Variants in TUBA4A observed in about 807,000 individuals in gnomAD.
TUBA4A encodes tubulin alpha-4A chain.
In TUBA4A, 23 loss-of-function variants were observed where a neutral mutation model predicts 34.3. That is an observed-to-expected ratio of 0.67 (90% confidence interval 0.48 to 0.95). TUBA4A has a LOEUF of 0.95. Among genes scored for constraint, TUBA4A ranks in the 40% least tolerant of loss-of-function variants. The pLI is 0.00. For missense variants in TUBA4A, 279 were observed against 599.0 expected, an observed-to-expected ratio of 0.47 and a Z score of 5.58; for synonymous variants, 216 against 230.5, an observed-to-expected ratio of 0.94 and a Z score of 0.57.
At chr2:219,253,500 G>A in intron 1 of TUBA4A, 1 of 1,185,076 alleles carries the variant, frequency 8.4e-7, no homozygotes, top group Non-Finnish European at 1.2e-6. Context: ...ATGTAAGAGG[G>A]CAGCCAAACC....
chr2:219,253,120 C>T (rs1011005012), intron 1 of TUBA4A: 2 of 1,491,958 alleles, frequency 1.3e-6, no homozygotes, highest in African/African-American at 2.8e-5. Context: ...ACAGTTATTT[C>T]CCAGCCCAAA....
Position 219,250,823 on chromosome 2 carries a change from G to A in TUBA4A, c.876C>T (p.Thr292=), listed in dbSNP as rs1164337721. 1 of 1,614,218 alleles carries A rather than the reference G, an allele frequency of 6.2e-7. No homozygotes were observed. Among genetic ancestry groups the A allele is most frequent in the Non-Finnish European group, 8.5e-7 (1 of 1,180,048 alleles). ...GGTTGGCAGGCTCAAAGCAGGCATT[G>A]GTGATCTCTGCCACCGACAGCTGCT... ...YHEQLSVAEI[T]NACFEPANQM... is the part of the protein sequence containing the mutation. Residue 292 remains threonine, a synonymous_variant, in exon 4 of 4, where the codon ACC becomes ACT. Coordinates refer to ENST00000248437, the MANE Select transcript of TUBA4A (RefSeq NM_006000.3). The surrounding 1 kb of genome is among the most constrained non-coding windows in gnomAD (Gnocchi z 8.4).
chr2:219,253,929 G>C, upstream of TUBA4A: 2 of 1,271,782 alleles, frequency 1.6e-6, no homozygotes, highest in South Asian at 2.4e-5. Flanking sequence ...GCTAGCTGCA[G>C]TGCCGCACCG....
Position 219,250,988 on chromosome 2 carries a change from G to A in TUBA4A, c.711C>T (p.Ser237=). The A allele has an allele frequency of 6.2e-7, 1 of 1,614,192 alleles. No homozygotes were observed. The highest frequency in any genetic ancestry group is 8.5e-7 in the Non-Finnish European group (1 of 1,180,042). ...LNRLISQIVS[S]ITASLRFDGA... ...CGTCAAAGCGCAGAGAAGCTGTGATGGAGGAGACAATTTGGCTAATGAGGC... is the reference window on the plus strand; with the variant it reads ...CGTCAAAGCGCAGAGAAGCTGTGATAGAGGAGACAATTTGGCTAATGAGGC... Residue 237 remains serine, a synonymous_variant, in exon 4 of 4, where the codon TCC becomes TCT. Coordinates refer to ENST00000248437, the MANE Select transcript of TUBA4A (RefSeq NM_006000.3). This position sits in a 1 kb window ranked among gnomAD's most constrained non-coding sequence, Gnocchi z 8.4.
At position 219,251,790 on chromosome 2, in the gene TUBA4A, T is replaced by C. The variant is rs547941885; in HGVS notation, c.227-77A>G. 2.6e-6 allele frequency: 4 copies of C among 1,535,504 alleles called. No homozygotes were observed. The highest frequency in any genetic ancestry group is 2.7e-5 in the African/African-American group (2 of 73,282). ...AGGGTGGTAGCTGTGGCCAGATGCA[T>C]GGAAGGACTCATCCTCCTGCCAGCC... On this transcript the variant is annotated intron_variant, in intron 2 of 3. Transcript: ENST00000248437. This position sits in a 1 kb window ranked among gnomAD's most constrained non-coding sequence, Gnocchi z 6.1.
rs1951643716 is a variant in TUBA4A at position 219,251,329 on chromosome 2, A to C, written c.376-6T>G. ...AGTCCTGTGCACTGGTCAGACTGAA[A>C]GGCAAGAACGAGAAAGAACAGTTTA... On this transcript the variant is annotated splice_polypyrimidine_tract_variant and splice_region_variant and intron_variant, in intron 3 of 3. Transcript: ENST00000248437. The surrounding 1 kb of genome is among the most constrained non-coding windows in gnomAD (Gnocchi z 6.1). 3.1e-6 allele frequency: 5 copies of C among 1,594,554 alleles called. No individual in the cohort carries two copies. The highest frequency in any genetic ancestry group is 4.3e-6 in the Non-Finnish European group (5 of 1,168,540).
intron 1 of TUBA4A, chr2:219,253,322 C>T: frequency 6.5e-7 from 1 of 1,528,400 alleles, no homozygotes; most frequent in Middle Eastern, 1.7e-4. Flanking sequence ...TTCCCACCAA[C>T]CCTCTCAGCT....
chr2:219,253,164 T>C, intron 1 of TUBA4A: 8 of 1,521,880 alleles, frequency 5.3e-6, no homozygotes, highest in Non-Finnish European at 5.3e-6. Flanking sequence ...GCTCCTGGGC[T>C]ATAAATACCA....
chr2:219,254,437 C>T (rs45627932), upstream of TUBA4A: 1 of 152,412 alleles, frequency 6.6e-6, no homozygotes, highest in African/African-American at 2.4e-5. Flanking sequence ...GGGCGGCAGC[C>T]TTTCGCCGAC....
chr2:219,253,954 G>C, upstream of TUBA4A: 2 of 1,185,964 alleles, frequency 1.7e-6, no homozygotes, highest in Middle Eastern at 3.1e-4. Flanking sequence ...TATAGGCGGG[G>C]GGGGGGCGGG....
Position 219,252,052 on chromosome 2 carries a change from T to C in TUBA4A, c.182A>G (p.His61Arg), listed in dbSNP as rs748558025. Reference sequence around the variant, plus strand: ...ATCCACAAAAACTGCCCGGGGTACGTGTTTTCCAGCACCAGTTTCACAGAA... The same window carrying C: ...ATCCACAAAAACTGCCCGGGGTACGCGTTTTCCAGCACCAGTTTCACAGAA... ...TFFCETGAGK[H>R]VPRAVFVDLE... is the part of the protein sequence containing the mutation. Residue 61 changes from histidine to arginine, a missense_variant, in exon 2 of 4, where the codon CAC becomes CGC. Physicochemically the swap from His to Arg is conservative, Grantham distance 29. Coordinates refer to ENST00000248437, the MANE Select transcript of TUBA4A (RefSeq NM_006000.3). This position sits in a 1 kb window ranked among gnomAD's most constrained non-coding sequence, Gnocchi z 4.1. 6.2e-7 allele frequency: 1 copy of C among 1,614,110 alleles called. No individual in the cohort carries two copies. The highest frequency in any genetic ancestry group is 1.1e-5 in the South Asian group (1 of 91,080).
chr2:219,253,928 A>C, upstream of TUBA4A: 10 of 1,140,250 alleles, frequency 8.8e-6, no homozygotes, highest in Non-Finnish European at 1.1e-5. Flanking sequence ...CGCTAGCTGC[A>C]GTGCCGCACC....
Position 219,251,884 on chromosome 2 carries a change from G to T in TUBA4A, c.226+124C>A. On this transcript the variant is annotated intron_variant, in intron 2 of 3. Transcript: ENST00000248437. The surrounding 1 kb of genome is among the most constrained non-coding windows in gnomAD (Gnocchi z 6.1). ...CCAGTCTCAGATCAGCTTGCCTTCT[G>T]CAGCTTCAAGTACGGCTAGGAATTT... The T allele has an allele frequency of 7.4e-7, 1 of 1,344,274 alleles. No individual in the cohort carries two copies. The highest frequency in any genetic ancestry group is 1.0e-6 in the Non-Finnish European group (1 of 974,054). The allele number at this position is 1,344,274 out of a possible 1,614,324, so 83.3% of individuals were successfully genotyped here.
rs567800140 is a variant in TUBA4A, at chr2:219,250,952, A to G, written c.747T>C (p.Asn249=). Residue 249 remains asparagine (N), a synonymous_variant, in exon 4 of 4, where the codon AAT becomes AAC. Coordinates refer to ENST00000248437, the MANE Select transcript of TUBA4A (RefSeq NM_006000.3). This position sits in a 1 kb window ranked among gnomAD's most constrained non-coding sequence, Gnocchi z 8.4. ...TGGTCTGGAACTCTGTCAGGTCCAC[A>G]TTGAGGGCCCCGTCAAAGCGCAGAG... The part of the protein sequence containing the change: ...TASLRFDGAL[N]VDLTEFQTNL... 5.0e-6 allele frequency: 8 copies of G among 1,614,176 alleles called. No homozygotes were observed. The highest frequency in any genetic ancestry group is 5.9e-6 in the Non-Finnish European group (7 of 1,180,040).
chr2:219,251,542 T>G lies in TUBA4A; in HGVS notation c.375+23A>C, dbSNP rs1482929516. ...CATTAGCACAGTCTCAAAAGTTCCC[T>G]CCCTCCCAAGACACACTCTCACCAG... On this transcript the variant is annotated intron_variant, in intron 3 of 3. Coordinates refer to ENST00000248437, the MANE Select transcript of TUBA4A (RefSeq NM_006000.3). The surrounding 1 kb of genome is among the most constrained non-coding windows in gnomAD (Gnocchi z 6.1). The G allele has an allele frequency of 3.1e-6, 5 of 1,606,596 alleles. No individual in the cohort carries two copies. Among genetic ancestry groups the G allele is most frequent in the Non-Finnish European group, 3.4e-6 (4 of 1,175,196 alleles).
Position 219,250,391 on chromosome 2 carries a change from G to A in TUBA4A, c.1308C>T (p.Gly436=), listed in dbSNP as rs1951626728. 1.2e-6 allele frequency: 2 copies of A among 1,614,044 alleles called. No individual in the cohort carries two copies. Among genetic ancestry groups the A allele is most frequent in the Non-Finnish European group, 1.7e-6 (2 of 1,179,940 alleles). Reference sequence around the variant, plus strand: ...CATCCTCGTCCTCATAGGAGTCGATGCCCACCTCCTCATAATCCTTCTCCA... The same window carrying A: ...CATCCTCGTCCTCATAGGAGTCGATACCCACCTCCTCATAATCCTTCTCCA... ...AALEKDYEEV[G]IDSYEDEDEG... Residue 436 remains glycine (G), a synonymous_variant, in exon 4 of 4, where the codon GGC becomes GGT. Coordinates refer to ENST00000248437, the MANE Select transcript of TUBA4A (RefSeq NM_006000.3). The surrounding 1 kb of genome is among the most constrained non-coding windows in gnomAD (Gnocchi z 8.4).
intron 1 of TUBA4A, chr2:219,253,550 G>A (rs1324970585): frequency 9.8e-6 from 8 of 814,944 alleles, no homozygotes; most frequent in Non-Finnish European, 1.6e-5. Context: ...GCGCGGGCCC[G>A]CGTGACTCTC....
In TUBA4A at chr2:219,251,858, G is replaced by A; in HGVS notation, c.227-145C>T. On this transcript the variant is annotated intron_variant, in intron 2 of 3. Coordinates refer to ENST00000248437, the MANE Select transcript of TUBA4A (RefSeq NM_006000.3). This position sits in a 1 kb window ranked among gnomAD's most constrained non-coding sequence, Gnocchi z 6.1. ...AGAGAAACCCAGACCAGCTGCCCAG[G>A]CCAGTCTCAGATCAGCTTGCCTTCT... The A allele has an allele frequency of 7.4e-7, 1 of 1,351,420 alleles. No individual in the cohort carries two copies. The highest frequency in any genetic ancestry group is 1.0e-6 in the Non-Finnish European group (1 of 985,930). 83.7% of individuals were successfully genotyped at this position (1,351,420 alleles called of 1,614,324 possible). A position where few individuals can be genotyped will look rare whatever the true frequency, so the allele number is the denominator to read the frequency against.
rs780921701 is a variant in TUBA4A, at chr2:219,250,777, G to A, written c.922C>T (p.Arg308Trp). ...PANQMVKCDP[R>W]HGKYMACCLL... The stretch of plus-strand genomic sequence containing the variant: ...CAGCAGGCCATGTACTTGCCGTGCC[G>A]GGGATCACACTTTACCATCTGGTTG... The change falls in exon 4 of 4, where the codon CGG becomes TGG. Residue 308 changes from arginine (R) to tryptophan (W), a missense_variant. Arg to Trp is a moderately radical substitution (Grantham distance 101). Transcript: ENST00000248437. This position sits in a 1 kb window ranked among gnomAD's most constrained non-coding sequence, Gnocchi z 8.4. 6 of 1,614,084 alleles carry A rather than the reference G, an allele frequency of 3.7e-6. No homozygotes were observed. The highest frequency in any genetic ancestry group is 2.2e-5 in the East Asian group (1 of 44,896).
Sources: gnomAD v4.1 joint callset for allele counts on GRCh38, gnomAD v4.1.1 for gene constraint, Gnocchi (gnomAD v3.1) non-coding constraint, MANE v1.5 for transcripts, NCBI Gene and HGNC (gene_info 2026-07-23, HGNC 2026-07-21) for gene names.